KIFC1: variants seen among roughly 807,000 people sequenced by gnomAD.
KIFC1 encodes kinesin-like protein KIFC1.
KIFC1 carries 37 observed loss-of-function variants against 66.6 expected under a neutral mutation model. That is an observed-to-expected ratio of 0.56 (90% CI 0.43 to 0.73). The LOEUF (loss-of-function observed/expected upper bound fraction) is 0.73. Ranked by LOEUF, KIFC1 falls within the 30% of genes least tolerant of loss-of-function variation. KIFC1 has a pLI of 0.00. For missense variants in KIFC1, 721 were observed against 859.8 expected (o/e 0.84, Z 2.02); for synonymous variants, 325 against 343.5 (o/e 0.95, Z 0.60).
In KIFC1 at chr6:33,406,260, G is replaced by A. The variant is rs754974858; in HGVS notation, c.1601G>A (p.Arg534Gln). ...GTGGCCCGCACAGCCCAGAATGAACGGTCATCACGCAGCCACAGTGTATTC... is the reference window on the plus strand; with the variant it reads ...GTGGCCCGCACAGCCCAGAATGAACAGTCATCACGCAGCCACAGTGTATTC... ...RAVARTAQNERSSRSHSVFQL... is the reference protein window; with the variant it reads ...RAVARTAQNEQSSRSHSVFQL... The change falls in exon 8 of 11, where the codon CGG (arginine) becomes CAG (glutamine). Residue 534 changes from arginine (R) to glutamine (Q), a missense_variant. Arg to Gln is a conservative substitution (Grantham distance 43). Coordinates refer to ENST00000428849, the MANE Select transcript of KIFC1 (RefSeq NM_002263.4). This position sits in a 1 kb window ranked among gnomAD's most constrained non-coding sequence, Gnocchi z 4.5. 40 of 1,613,986 alleles carry A rather than the reference G, an allele frequency of 2.5e-5. No homozygotes were observed. The East Asian group carries it at 6.0e-4, about 24-fold the overall frequency.
rs568257646 is a variant in KIFC1, at chr6:33,401,773, C to T, written c.251-1541C>T. On this transcript the variant is annotated intron_variant, in intron 3 of 10. Coordinates refer to ENST00000428849, the MANE Select transcript of KIFC1 (RefSeq NM_002263.4). This position sits in a 1 kb window ranked among gnomAD's most constrained non-coding sequence, Gnocchi z 4.5. The stretch of plus-strand genomic sequence containing the variant: ...CTAGAGTGCAGTGGCATGATCTCGG[C>T]TCACTGCAAGCTCCGTCTCCTGGGT... Among the ~76,000 whole-genome samples, 10 of 151,518 alleles carry T rather than the reference C, an allele frequency of 6.6e-5. No homozygotes were observed. The highest frequency in any genetic ancestry group is 1.3e-4 in the Non-Finnish European group (9 of 67,946).
chr6:33,391,627 T>G, upstream of KIFC1: 2 of 446,334 alleles, frequency 4.5e-6, no homozygotes, highest in African/African-American at 2.0e-5. Flanking sequence ...AGGGGAGGGG[T>G]GAGAAGCATA....
At chr6:33,396,422 C>A (rs11752442) in intron 1 of KIFC1, among the ~76,000 whole-genome samples, 1 of 141,638 alleles carries the variant, frequency 7.1e-6, no homozygotes, top group Non-Finnish European at 1.5e-5. Flanking sequence ...TTTTCTTTTT[C>A]TTTCTTTTCT....
chr6:33,408,001 G>A (rs888418826), intron 10 of KIFC1, among the ~76,000 whole-genome samples: 1 of 152,152 alleles, frequency 6.6e-6, no homozygotes, highest in Admixed American at 6.5e-5. Flanking sequence ...ACCCTGATCT[G>A]GTATTCTACT....
chr6:33,409,793 C>T lies in KIFC1; in HGVS notation c.*103C>T. 1.6e-6 allele frequency: 2 copies of T among 1,232,244 alleles called. No homozygotes were observed. Among genetic ancestry groups the T allele is most frequent in the East Asian group, 2.4e-5 (1 of 42,052 alleles). 76.3% of individuals were successfully genotyped at this position (1,232,244 alleles called of 1,614,324 possible). A position where few individuals can be genotyped will look rare whatever the true frequency, so the allele number is the denominator to read the frequency against. On this transcript the variant is annotated 3_prime_UTR_variant, in exon 11 of 11. Transcript: ENST00000428849. Reference sequence around the variant, plus strand: ...TATCGGGTGAGGGGTGGGAGGGTTGCTGGAGGGTGCTTTATTGGGTGGAGG... The same window carrying T: ...TATCGGGTGAGGGGTGGGAGGGTTGTTGGAGGGTGCTTTATTGGGTGGAGG...
chr6:33,400,485 G>T lies in KIFC1; in HGVS notation c.250+2098G>T, dbSNP rs1285625011. The T allele has an allele frequency of 1.9e-6, 3 of 1,600,934 alleles. No individual in the cohort carries two copies. The highest frequency in any genetic ancestry group is 2.6e-6 in the Non-Finnish European group (3 of 1,172,506). On this transcript the variant is annotated intron_variant, in intron 3 of 10. Transcript: ENST00000428849. This position sits in a 1 kb window ranked among gnomAD's most constrained non-coding sequence, Gnocchi z 4.3. The stretch of plus-strand genomic sequence containing the variant: ...CGATCTTGGGGGCCAGGGCAGAAGT[G>T]GCACCGACTTCACCTCTGGTGCACC...
rs1442336798 is a variant in KIFC1, at chr6:33,401,222, C to T, written c.251-2092C>T. On this transcript the variant is annotated intron_variant, in intron 3 of 10. Coordinates refer to ENST00000428849, the MANE Select transcript of KIFC1 (RefSeq NM_002263.4). This position sits in a 1 kb window ranked among gnomAD's most constrained non-coding sequence, Gnocchi z 4.5. Reference sequence around the variant, plus strand: ...TGATCTCGGCTCAGTGTAACCTCCGCCTCCTGGGTTCAAGTGATTCTCCTG... The same window carrying T: ...TGATCTCGGCTCAGTGTAACCTCCGTCTCCTGGGTTCAAGTGATTCTCCTG... Among the ~76,000 whole-genome samples, 1 of 151,750 alleles carries T rather than the reference C, an allele frequency of 6.6e-6. No homozygotes were observed. The highest frequency in any genetic ancestry group is 1.5e-5 in the Non-Finnish European group (1 of 67,908).
Position 33,403,707 on chromosome 6 carries a change from G to A in KIFC1, c.356-22G>A. 6.2e-7 allele frequency: 1 copy of A among 1,606,572 alleles called. No individual in the cohort carries two copies. Among genetic ancestry groups the A allele is most frequent in the East Asian group, 2.2e-5 (1 of 44,844 alleles). On this transcript the variant is annotated intron_variant, in intron 5 of 10. Coordinates refer to ENST00000428849, the MANE Select transcript of KIFC1 (RefSeq NM_002263.4). The surrounding 1 kb of genome is among the most constrained non-coding windows in gnomAD (Gnocchi z 4.6). ...GAGAGCCTAGACTTCACTGACCTTT[G>A]TCCTTTCTGTGTTCATCTTAGCATC...
intron 2 of KIFC1, 37 bp downstream of exon 2, chr6:33,398,203 G>A (rs1192879133): frequency 1.2e-6 from 2 of 1,613,910 alleles, no homozygotes; most frequent in African/African-American, 2.7e-5. Flanking sequence ...TGTGTGTGGG[G>A]GGTGTGTGTG....
Position 33,406,242 on chromosome 6 carries a change from G to C in KIFC1, c.1583G>C (p.Arg528Pro). The change falls in exon 8 of 11, where the codon CGC (arginine) becomes CCC (proline). Residue 528 changes from arginine to proline, a missense_variant. Coordinates refer to ENST00000428849, the MANE Select transcript of KIFC1 (RefSeq NM_002263.4). This position sits in a 1 kb window ranked among gnomAD's most constrained non-coding sequence, Gnocchi z 4.5. ...HLARQNRAVA[R>P]TAQNERSSRS... is the part of the protein sequence containing the mutation. Reference sequence around the variant, plus strand: ...GCCCGCCAGAATCGGGCTGTGGCCCGCACAGCCCAGAATGAACGGTCATCA... The same window carrying C: ...GCCCGCCAGAATCGGGCTGTGGCCCCCACAGCCCAGAATGAACGGTCATCA... 6.2e-7 allele frequency: 1 copy of C among 1,613,366 alleles called. No individual in the cohort carries two copies. The highest frequency in any genetic ancestry group is 8.5e-7 in the Non-Finnish European group (1 of 1,179,714).
At position 33,398,174 on chromosome 6, in the gene KIFC1, G is replaced by C. The variant is rs1423906876; in HGVS notation, c.150+8G>C. The C allele has an allele frequency of 6.2e-7, 1 of 1,614,046 alleles. No individual in the cohort carries two copies. The highest frequency in any genetic ancestry group is 1.6e-4 in the Middle Eastern group (1 of 6,084). On this transcript the variant is annotated splice_region_variant and intron_variant, in intron 2 of 10. Coordinates refer to ENST00000428849, the MANE Select transcript of KIFC1 (RefSeq NM_002263.4). ...GGCCTGGAGCCTGAGAAGGTGAGCTGGGCATGGAGAGCTGTGCATGTGTGT... is the reference window on the plus strand; with the variant it reads ...GGCCTGGAGCCTGAGAAGGTGAGCTCGGCATGGAGAGCTGTGCATGTGTGT...
intron 10 of KIFC1, 139 bp downstream of exon 10, chr6:33,407,014 G>T: frequency 7.0e-7 from 1 of 1,431,860 alleles, no homozygotes; most frequent in Non-Finnish European, 9.2e-7. Flanking sequence ...TGCTCACCTG[G>T]TTCCATTTTT....
rs148093793 is a variant in KIFC1 at position 33,400,771 on chromosome 6, C to T, written c.250+2384C>T. 3.0e-3 allele frequency among the ~76,000 whole-genome samples: 451 copies of T among 152,264 alleles called. No individual in the cohort carries two copies. Among genetic ancestry groups the T allele is most frequent in the Middle Eastern group, 0.02 (6 of 294 alleles). On this transcript the variant is annotated intron_variant, in intron 3 of 10. Transcript: ENST00000428849. This position sits in a 1 kb window ranked among gnomAD's most constrained non-coding sequence, Gnocchi z 4.3. ...CCGCCATTTTCCTGCCTCAGCCTTCCGCGTAGCTGGGACTACAGGCGCCCT... is the reference window on the plus strand; with the variant it reads ...CCGCCATTTTCCTGCCTCAGCCTTCTGCGTAGCTGGGACTACAGGCGCCCT...
At chr6:33,402,968 C>T (rs779024051) in intron 3 of KIFC1, among the ~76,000 whole-genome samples, 1 of 152,152 alleles carries the variant, frequency 6.6e-6, no homozygotes, top group African/African-American at 2.4e-5. Flanking sequence ...GCCTGGACAA[C>T]AAGTGAAACT....
rs943381534 is a variant in KIFC1, at chr6:33,406,015, C to T, written c.1537-181C>T. On this transcript the variant is annotated intron_variant, in intron 7 of 10. Transcript: ENST00000428849. The surrounding 1 kb of genome is among the most constrained non-coding windows in gnomAD (Gnocchi z 4.5). ...TCAAAACTTGTGTTCCCCACCCCGC[C>T]TTTATACACTCCCTATTCTATGTAT... 6.6e-6 allele frequency among the ~76,000 whole-genome samples: 1 copy of T among 152,054 alleles called. No individual in the cohort carries two copies. Among genetic ancestry groups the T allele is most frequent in the African/African-American group, 2.4e-5 (1 of 41,382 alleles).
At chr6:33,407,599 T>C (rs143755942) in intron 10 of KIFC1, among the ~76,000 whole-genome samples, 483 of 152,362 alleles carry the variant, frequency 3.2e-3, no homozygotes, top group Middle Eastern at 0.02. Context: ...ACTTTGTACA[T>C]ACATCATTTT....
chr6:33,408,812 G>A (rs1291978032), intron 10 of KIFC1, among the ~76,000 whole-genome samples: 1 of 152,104 alleles, frequency 6.6e-6, no homozygotes, highest in Non-Finnish European at 1.5e-5. Context: ...GATTATAGGC[G>A]TGAGCCACCC....
rs1775566233 is a variant in KIFC1 at position 33,405,004 on chromosome 6, G to A, written c.909G>A (p.Gln303=). ...TGGAGCGCCGGCGACTGCACAACCAGCTGCAGGAACTCAAGGGCAACATCC... is the reference window on the plus strand; with the variant it reads ...TGGAGCGCCGGCGACTGCACAACCAACTGCAGGAACTCAAGGGCAACATCC... The part of the protein sequence containing the change: ...LEMERRRLHN[Q]LQELKGNIRV... The change falls in exon 7 of 11, where the codon CAG becomes CAA. Residue 303 remains glutamine, a synonymous_variant. Transcript: ENST00000428849. The surrounding 1 kb of genome is among the most constrained non-coding windows in gnomAD (Gnocchi z 5.4). The A allele has an allele frequency of 6.2e-7, 1 of 1,614,132 alleles. No individual in the cohort carries two copies.
Position 33,406,046 on chromosome 6 carries a change from A to G in KIFC1, c.1537-150A>G. On this transcript the variant is annotated intron_variant, in intron 7 of 10. Transcript: ENST00000428849. The surrounding 1 kb of genome is among the most constrained non-coding windows in gnomAD (Gnocchi z 4.5). ...ACACTCCCTATTCTATGTATTCCTT[A>G]CCATTTTCAGACATACTGTGCATCT... 4 of 721,510 alleles carry G rather than the reference A, an allele frequency of 5.5e-6. No individual in the cohort carries two copies. The highest frequency in any genetic ancestry group is 7.4e-4 in the Middle Eastern group (2 of 2,688). The allele number at this position is 721,510 out of a possible 1,614,324, so 44.7% of individuals were successfully genotyped here. A position where few individuals can be genotyped will look rare whatever the true frequency, so the allele number is the denominator to read the frequency against.
Sources: gnomAD v4.1 joint callset for allele counts (sites outside exome capture counted in the v4.1 genomes callset) on GRCh38, gnomAD v4.1.1 for gene constraint, Gnocchi (gnomAD v3.1) non-coding constraint, MANE v1.5 for transcripts, NCBI Gene and HGNC (gene_info 2026-07-23, HGNC 2026-07-21) for gene names.